Variants in SIM1 observed in about 807,000 individuals in gnomAD.
SIM1 encodes SIM bHLH transcription factor 1.
In SIM1, 18 loss-of-function variants were observed where a neutral mutation model predicts 78.2. The ratio of observed to expected loss-of-function variants is 0.23; its 90% confidence interval spans 0.16 to 0.34. The LOEUF (loss-of-function observed/expected upper bound fraction) is 0.34. Among genes scored for constraint, SIM1 ranks in the 10% least tolerant of loss-of-function variants. The pLI is 1.00. For missense variants in SIM1, 939 were observed against 975.1 expected, an observed-to-expected ratio of 0.96 and a Z score of 0.49; for synonymous variants, 417 against 385.2, an observed-to-expected ratio of 1.08 and a Z score of -0.97.
intron 10 of SIM1, among the ~76,000 whole-genome samples, chr6:100,414,160 G>A (rs772061438): frequency 6.6e-6 from 1 of 152,224 alleles, no homozygotes. Flanking sequence ...TGTAAAAAGG[G>A]ATGGATGGGC....
chr6:100,429,282 A>G (rs1024759684), intron 9 of SIM1, among the ~76,000 whole-genome samples: 1 of 151,982 alleles, frequency 6.6e-6, no homozygotes, highest in African/African-American at 2.4e-5. Flanking sequence ...AGGCAGGAGA[A>G]TCGCTTGAAC....
At position 100,389,160 on chromosome 6, in the gene SIM1, G is replaced by A. The variant is rs1184826488; in HGVS notation, c.*1201C>T. The stretch of plus-strand genomic sequence containing the variant: ...TAGAATCCAGAGATCTAGTCAGCTG[G>A]CCTTTCTACTATACCACACAGATGT... On this transcript the variant is annotated 3_prime_UTR_variant, in exon 12 of 12. Transcript: ENST00000369208. 1 of 152,846 alleles carries A rather than the reference G, an allele frequency of 6.5e-6. No individual in the cohort carries two copies. The highest frequency in any genetic ancestry group is 1.5e-5 in the Non-Finnish European group (1 of 68,550). 9.5% of individuals were successfully genotyped at this position (152,846 alleles called of 1,614,324 possible). A position where few individuals can be genotyped will look rare whatever the true frequency, so the allele number is the denominator to read the frequency against.
chr6:100,448,768 G>A, intron 6 of SIM1, 90 bp from the exon 7 acceptor site: 1 of 1,215,244 alleles, frequency 8.2e-7, no homozygotes, highest in Non-Finnish European at 1.2e-6. Flanking sequence ...TTGAAACTCT[G>A]CTTAGCCCCA....
At position 100,450,708 on chromosome 6, in the gene SIM1, A is replaced by T. The variant is rs1451177680; in HGVS notation, c.259-352T>A. 6.5e-4 allele frequency among the ~76,000 whole-genome samples: 94 copies of T among 145,242 alleles called. 2 individuals carry two copies. Among genetic ancestry groups the T allele is most frequent in the African/African-American group, 2.1e-3 (82 of 39,356 alleles). On this transcript the variant is annotated intron_variant, in intron 3 of 11. Transcript: ENST00000369208. ...CTCTCTCTCTCTCTCACACACACAC[A>T]CACACACACACACACACACACACAG...
intron 2 of SIM1, among the ~76,000 whole-genome samples, chr6:100,460,960 T>G (rs1772823691): frequency 6.6e-6 from 1 of 152,150 alleles, no homozygotes; most frequent in Non-Finnish European, 1.5e-5. Flanking sequence ...GGGTGAGTTA[T>G]GAGCTCAACA....
intron 10 of SIM1, among the ~76,000 whole-genome samples, chr6:100,418,359 A>AAAATAAATAAATAAATAAAT (rs6149720): frequency 0.028 from 4,024 of 145,434 alleles, 69 homozygotes; most frequent in African/African-American, 0.044. Context: ...CCTGTCTCCA[A>AAAATAAATAAATAAATAAAT]AAATAAATAA....
chr6:100,393,515 A>C lies in SIM1; in HGVS notation c.1542T>G (p.Pro514=). ...ESREAYENSM[P]HIASVHRIHG... ...GGATCCTGTGGACTGAAGCGATGTG[A>C]GGCATGCTGTTTTCATAGGCTTCTC... The change falls in exon 11 of 12, where the codon CCT becomes CCG. Residue 514 remains proline (P), a synonymous_variant. Transcript: ENST00000369208. 6.4e-7 allele frequency: 1 copy of C among 1,564,670 alleles called. No individual in the cohort carries two copies. The highest frequency in any genetic ancestry group is 8.7e-7 in the Non-Finnish European group (1 of 1,151,972).
intron 10 of SIM1, among the ~76,000 whole-genome samples, chr6:100,399,680 T>C (rs1770859278): frequency 1.3e-5 from 2 of 152,062 alleles, no homozygotes; most frequent in South Asian, 4.2e-4. Flanking sequence ...AACAGAAAAA[T>C]AGACAAATCA....
intron 3 of SIM1, 108 bp from the exon 4 acceptor site, chr6:100,450,464 A>G: frequency 1.1e-6 from 1 of 929,972 alleles, no homozygotes; most frequent in Non-Finnish European, 1.7e-6. Flanking sequence ...AGAGAGATGG[A>G]GTGGAGCAGG....
chr6:100,460,985 AAAT>A (rs1772824725), intron 2 of SIM1, among the ~76,000 whole-genome samples: 1 of 152,086 alleles, frequency 6.6e-6, no homozygotes, highest in Non-Finnish European at 1.5e-5. Flanking sequence ...CTAGAGAAAC[AAAT>A]GATGTGCCCA....
Position 100,387,038 on chromosome 6 carries a change from C to CT in SIM1, c.*3322dup, listed in dbSNP as rs1278706092. On this transcript the variant is annotated 3_prime_UTR_variant, in exon 12 of 12. Coordinates refer to ENST00000369208, the MANE Select transcript of SIM1 (RefSeq NM_005068.3). Reference sequence around the variant, plus strand: ...AAGATTGGGGAAACTTCATTCACTTCTTTGGTCATCCAAATTTTTAAAGTA... The same window carrying CT: ...AAGATTGGGGAAACTTCATTCACTTCTTTTGGTCATCCAAATTTTTAAAGTA... The CT allele has an allele frequency of 6.6e-6, 1 of 152,040 alleles. No individual in the cohort carries two copies. The highest frequency in any genetic ancestry group is 1.5e-5 in the Non-Finnish European group (1 of 67,926). The allele number at this position is 152,040 out of a possible 1,614,324, so 9.4% of individuals were successfully genotyped here.
rs375025782 is a variant in SIM1, at chr6:100,390,892, G to C, written c.1770C>G (p.Asp590Glu). The change falls in exon 12 of 12, where the codon GAC becomes GAG. Residue 590 changes from aspartate (D) to glutamate (E), a missense_variant. This residue lies in a region of SIM1 where 556 missense variants were observed against 521.9 expected (regional missense o/e 1.07). Transcript: ENST00000369208. ...NRLQLRKAPS[D>E]QLASINGAGK... The stretch of plus-strand genomic sequence containing the variant: ...CAGCCCCATTAATGGAAGCCAGTTG[G>C]TCTGAGGGGGCTTTCCTTAGCTGTA... 12 of 1,614,046 alleles carry C rather than the reference G, an allele frequency of 7.4e-6. No homozygotes were observed. The highest frequency in any genetic ancestry group is 9.3e-6 in the Non-Finnish European group (11 of 1,180,042).
intron 10 of SIM1, among the ~76,000 whole-genome samples, chr6:100,419,256 A>C (rs1562242834): frequency 6.6e-6 from 1 of 152,218 alleles, no homozygotes; most frequent in Non-Finnish European, 1.5e-5. Flanking sequence ...CTTATAATGG[A>C]AGTTGTACAC....
chr6:100,424,827 T>C (rs68081435), intron 9 of SIM1, among the ~76,000 whole-genome samples: 16,135 of 152,158 alleles, frequency 0.11, 913 homozygotes, highest in East Asian at 0.15. Context: ...ATAAATAGTA[T>C]CATATCCTAC....
intron 10 of SIM1, among the ~76,000 whole-genome samples, chr6:100,398,509 A>T (rs1164305800): frequency 6.6e-6 from 1 of 152,114 alleles, no homozygotes; most frequent in Non-Finnish European, 1.5e-5. Flanking sequence ...TAGGTACCTC[A>T]CATAAGTAAA....
intron 2 of SIM1, chr6:100,462,466 C>T (rs187478802): frequency 2.2e-4 from 33 of 152,328 alleles, no homozygotes; most frequent in African/African-American, 7.5e-4. Context: ...GAAAGCTGCT[C>T]TGTCCTCACA....
At chr6:100,411,932 A>G (rs967389730) in intron 10 of SIM1, among the ~76,000 whole-genome samples, 6 of 152,200 alleles carry the variant, frequency 3.9e-5, no homozygotes, top group Non-Finnish European at 8.8e-5. Context: ...CAAGGCATTC[A>G]CCGAACAGTG....
rs1772426776 is a variant in SIM1 at position 100,448,600 on chromosome 6, C to T, written c.622G>A (p.Val208Met). 1 of 1,614,092 alleles carries T rather than the reference C, an allele frequency of 6.2e-7. No individual in the cohort carries two copies. Among genetic ancestry groups the T allele is most frequent in the East Asian group, 2.2e-5 (1 of 44,854 alleles). The change falls in exon 7 of 12, where the codon GTG becomes ATG. Residue 208 changes from valine (V) to methionine (M), a missense_variant. This residue lies in a region of SIM1 where 187 missense variants were observed against 191.6 expected (regional missense o/e 0.98). Coordinates refer to ENST00000369208, the MANE Select transcript of SIM1 (RefSeq NM_005068.3). ...MSPFDGCYQNVGLVAVGHSLP... is the reference protein window; with the variant it reads ...MSPFDGCYQNMGLVAVGHSLP... ...GAGTGGCCCACGGCCACCAGGCCCA[C>T]GTTTTGGTAGCAGCCGTCGAAGGGG...
chr6:100,413,260 C>T (rs1771308579), intron 10 of SIM1, among the ~76,000 whole-genome samples: 1 of 152,162 alleles, frequency 6.6e-6, no homozygotes, highest in African/African-American at 2.4e-5. Flanking sequence ...CTCCATCTAC[C>T]CCCATCACCT....
Sources: allele counts gnomAD v4.1 joint callset (sites outside exome capture counted in the v4.1 genomes callset), GRCh38; gene constraint gnomAD v4.1.1; regional missense constraint gnomAD v4.1.1; transcripts MANE v1.5; gene names NCBI Gene and HGNC (gene_info 2026-07-23, HGNC 2026-07-21).